The following ELOVL5 variants were observed in gnomAD, a reference collection of about 807,000 sequenced individuals.
ELOVL5 encodes ELOVL fatty acid elongase 5, also known as very long chain fatty acid elongase 5.
ELOVL5 carries 8 observed loss-of-function variants against 38.6 expected under a neutral mutation model. That is an observed-to-expected ratio of 0.21 (90% CI 0.12 to 0.37). The LOEUF (loss-of-function observed/expected upper bound fraction) is 0.37. Among genes scored for constraint, ELOVL5 ranks in the 10% least tolerant of loss-of-function variants. The pLI is 1.00. For missense variants in ELOVL5, 280 were observed against 367.8 expected, an observed-to-expected ratio of 0.76 and a Z score of 1.95; for synonymous variants, 127 against 133.7, an observed-to-expected ratio of 0.95 and a Z score of 0.34.
rs897494397 is a variant in ELOVL5 at position 53,314,867 on chromosome 6, A to T, written c.-8-19160T>A. Among the ~76,000 whole-genome samples, 44 of 152,364 alleles carry T rather than the reference A, an allele frequency of 2.9e-4. 1 individual carries two copies. Among genetic ancestry groups the T allele is most frequent in the Admixed American group, 3.3e-4 (5 of 15,308 alleles). On this transcript the variant is annotated intron_variant, in intron 1 of 7. Coordinates refer to ENST00000304434, the MANE Select transcript of ELOVL5 (RefSeq NM_021814.5). Reference sequence around the variant, plus strand: ...TACTTTGATTTGGAAAAGCTATCACATATTTCCTATGCAAAATCCAATGAA... The same window carrying T: ...TACTTTGATTTGGAAAAGCTATCACTTATTTCCTATGCAAAATCCAATGAA...
intron 3 of ELOVL5, among the ~76,000 whole-genome samples, chr6:53,282,554 CA>C (rs1204619526): frequency 6.6e-6 from 1 of 152,242 alleles, no homozygotes; most frequent in Non-Finnish European, 1.5e-5. Context: ...ACACTAGGGA[CA>C]ACTAACTGTT....
chr6:53,317,084 T>A (rs1456018300), intron 1 of ELOVL5, among the ~76,000 whole-genome samples: 3 of 152,164 alleles, frequency 2.0e-5, no homozygotes, highest in Non-Finnish European at 4.4e-5. Context: ...ACACATTTGC[T>A]TAGGGACTCA....
At chr6:53,279,394 TCTC>T (rs1367402525) in intron 3 of ELOVL5, among the ~76,000 whole-genome samples, 1 of 152,198 alleles carries the variant, frequency 6.6e-6, no homozygotes, top group African/African-American at 2.4e-5. Flanking sequence ...TGAGGTCTAT[TCTC>T]CTTCCTCTAC....
Position 53,273,331 on chromosome 6 carries a change from G to A in ELOVL5, c.510C>T (p.Ala170=), listed in dbSNP as rs1400056437. 6.2e-7 allele frequency: 1 copy of A among 1,613,452 alleles called. No homozygotes were observed. Among genetic ancestry groups the A allele is most frequent in the Non-Finnish European group, 8.5e-7 (1 of 1,179,624 alleles). ...WVPCGHSYFG[A]TLNSFIHVLM... is the part of the protein sequence containing the mutation. ...GGACGTGGATGAAGCTATTAAGTGTGGCACCAAAATAAGCTGCAGGAACAG... is the reference window on the plus strand; with the variant it reads ...GGACGTGGATGAAGCTATTAAGTGTAGCACCAAAATAAGCTGCAGGAACAG... Residue 170 remains alanine (A), a synonymous_variant, in exon 6 of 8, where the codon GCC becomes GCT. Coordinates refer to ENST00000304434, the MANE Select transcript of ELOVL5 (RefSeq NM_021814.5).
rs1451923284 is a variant in ELOVL5 at position 53,269,215 on chromosome 6, T to C, written c.812A>G (p.Asn271Ser). The C allele has an allele frequency of 1.2e-6, 2 of 1,613,788 alleles. No individual in the cohort carries two copies. The highest frequency in any genetic ancestry group is 1.7e-6 in the Non-Finnish European group (2 of 1,179,772). ...RRKDHLKDHQNGSMAAVNGHT... is the reference protein window; with the variant it reads ...RRKDHLKDHQSGSMAAVNGHT... ...TCCATTCACAGCAGCCATGGACCCA[T>C]TCTGGTGGTCCTTCAGGTGGTCTTT... Residue 271 changes from asparagine (N) to serine (S), a missense_variant, in exon 8 of 8, where the codon AAT becomes AGT. Transcript: ENST00000304434.
chr6:53,293,613 C>T (rs71548670), intron 2 of ELOVL5, among the ~76,000 whole-genome samples: 5,037 of 152,280 alleles, frequency 0.033, 135 homozygotes, highest in South Asian at 0.093. Context: ...CCACCACACC[C>T]GGCTCTGCCC....
At chr6:53,287,141 A>T (rs905038893) in intron 3 of ELOVL5, among the ~76,000 whole-genome samples, 23 of 152,218 alleles carry the variant, frequency 1.5e-4, no homozygotes, top group African/African-American at 5.5e-4. Context: ...CTTTTTCAAA[A>T]TTACAAATTT....
chr6:53,319,424 T>C (rs1203337211), intron 1 of ELOVL5, among the ~76,000 whole-genome samples: 2 of 152,004 alleles, frequency 1.3e-5, no homozygotes, highest in African/African-American at 4.8e-5. Context: ...AAAAGTTTTC[T>C]AATAGTTGAA....
In ELOVL5 at chr6:53,267,834, G is replaced by A. The variant is rs1561858893; in HGVS notation, c.*1293C>T. On this transcript the variant is annotated 3_prime_UTR_variant, in exon 8 of 8. Transcript: ENST00000304434. ...AGAAGGTATTCAGAGGCTAAATTCC[G>A]ACACTTTAAAATGACACACATCATA... 2 of 152,366 alleles carry A rather than the reference G, an allele frequency of 1.3e-5. No individual in the cohort carries two copies. 9.4% of individuals were successfully genotyped at this position (152,366 alleles called of 1,614,324 possible).
At chr6:53,328,752 A>T (rs1393991435) in intron 1 of ELOVL5, among the ~76,000 whole-genome samples, 1 of 57,582 alleles carries the variant, frequency 1.7e-5, no homozygotes, top group Non-Finnish European at 3.4e-5. Flanking sequence ...TAGCAAAGAG[A>T]AAGGGATGAA....
At chr6:53,347,502 G>A (rs1769604789) in intron 1 of ELOVL5, among the ~76,000 whole-genome samples, 2 of 152,192 alleles carry the variant, frequency 1.3e-5, no homozygotes, top group South Asian at 4.1e-4. Flanking sequence ...CAAAACAAGT[G>A]CAGACCAACA....
chr6:53,325,710 G>A (rs1768514184), intron 1 of ELOVL5, among the ~76,000 whole-genome samples: 2 of 152,172 alleles, frequency 1.3e-5, no homozygotes, highest in South Asian at 2.1e-4. Context: ...AGGAGCAGGG[G>A]AAAGAAATAA....
chr6:53,304,976 G>C (rs1238085161), intron 1 of ELOVL5, among the ~76,000 whole-genome samples: 4 of 151,806 alleles, frequency 2.6e-5, no homozygotes, highest in Non-Finnish European at 5.9e-5. Context: ...CGGGCAGAGG[G>C]GCTCCTCACT....
chr6:53,326,512 T>C (rs1280847114), intron 1 of ELOVL5, among the ~76,000 whole-genome samples: 1 of 152,112 alleles, frequency 6.6e-6, no homozygotes. Flanking sequence ...CAGTGTGTCC[T>C]TGACTCCGGC....
chr6:53,288,570 G>A (rs1454009485), intron 3 of ELOVL5, among the ~76,000 whole-genome samples: 1 of 152,162 alleles, frequency 6.6e-6, no homozygotes, highest in East Asian at 1.9e-4. Context: ...TAAAGTTAAT[G>A]AGATATAGAA....
chr6:53,333,456 G>A (rs768376700), intron 1 of ELOVL5, among the ~76,000 whole-genome samples: 2 of 152,202 alleles, frequency 1.3e-5, no homozygotes, highest in Admixed American at 6.5e-5. Flanking sequence ...CAACTGAGAC[G>A]TTAGTAATGA....
Position 53,268,436 on chromosome 6 carries a change from T to G in ELOVL5, c.*691A>C, listed in dbSNP as rs41273874. ...GCTGTAGAGCCCCCCCCTTTTTACA[T>G]TAATAGTGGCACTCAAAATAAAAAA... On this transcript the variant is annotated 3_prime_UTR_variant, in exon 8 of 8. Transcript: ENST00000304434. The G allele has an allele frequency of 0.034, 5,123 of 152,356 alleles. 129 individuals carry two copies. The highest frequency in any genetic ancestry group is 0.048 in the Non-Finnish European group (3,289 of 68,000). The allele number at this position is 152,356 out of a possible 1,614,324, so 9.4% of individuals were successfully genotyped here.
chr6:53,283,038 A>G (rs962657872), intron 3 of ELOVL5, among the ~76,000 whole-genome samples: 3 of 152,192 alleles, frequency 2.0e-5, no homozygotes, highest in Non-Finnish European at 4.4e-5. Flanking sequence ...AACTTCTTTC[A>G]TCTTTCCAAT....
intron 1 of ELOVL5, among the ~76,000 whole-genome samples, chr6:53,305,384 C>T (rs1182878693): frequency 6.8e-6 from 1 of 146,306 alleles, no homozygotes; most frequent in Non-Finnish European, 1.5e-5. Flanking sequence ...GGGCTGACCC[C>T]CCCCCACCTC....
Sources: gnomAD v4.1 joint callset for allele counts (sites outside exome capture counted in the v4.1 genomes callset) on GRCh38, gnomAD v4.1.1 for gene constraint, MANE v1.5 for transcripts, NCBI Gene and HGNC (gene_info 2026-07-23, HGNC 2026-07-21) for gene names.